Variants in MAML3 observed in about 807,000 individuals in gnomAD.
The protein encoded by MAML3 is mastermind-like protein 3.
Under a neutral mutation model 101.9 loss-of-function variants are expected in MAML3, and 27 were observed. The ratio of observed to expected loss-of-function variants is 0.27; its 90% CI spans 0.20 to 0.37. The LOEUF (loss-of-function observed/expected upper bound fraction) is 0.37, where lower values mean the gene tolerates loss of function less well. MAML3 is among the 10% of genes least tolerant of loss of function. The pLI, the probability that MAML3 is intolerant of heterozygous loss-of-function variation, is 1.00. For synonymous variants in MAML3, 501 were observed against 555.9 expected, an observed-to-expected ratio of 0.90 and a Z score of 1.39; for missense variants, 1,316 against 1,444.9, an observed-to-expected ratio of 0.91 and a Z score of 1.45.
intron 1 of MAML3, among the ~76,000 whole-genome samples, chr4:140,062,950 T>C (rs1042539043): frequency 6.6e-6 from 1 of 152,198 alleles, no homozygotes; most frequent in Non-Finnish European, 1.5e-5. Flanking sequence ...AACTGCAACA[T>C]TTATCTTAAT....
chr4:140,122,204 G>T (rs1283843478), intron 1 of MAML3, among the ~76,000 whole-genome samples: 1 of 146,570 alleles, frequency 6.8e-6, no homozygotes, highest in Non-Finnish European at 1.5e-5. Context: ...CTTCTCACAG[G>T]AATAATCAAA....
chr4:139,993,351 CA>C (rs36164698), intron 1 of MAML3, among the ~76,000 whole-genome samples: 99,542 of 127,270 alleles, frequency 0.78, 37,770 homozygotes, highest in East Asian at 0.92. Flanking sequence ...GACTCCATCT[CA>C]AAAAAAAAAA....
chr4:139,801,643 G>GGTGTGT (rs755484864), intron 2 of MAML3, among the ~76,000 whole-genome samples: 74 of 30,778 alleles, frequency 2.4e-3, no homozygotes, highest in African/African-American at 5.9e-3. Flanking sequence ...GGTGTGTGTG[G>GGTGTGT]GTGTGTGTGT....
chr4:139,930,255 T>C (rs992302924), intron 1 of MAML3, among the ~76,000 whole-genome samples: 6 of 152,294 alleles, frequency 3.9e-5, no homozygotes, highest in East Asian at 1.9e-4. Flanking sequence ...AAGAACCACA[T>C]TGAAGAAGAG....
At chr4:139,883,652 T>C (rs1267451628) in intron 2 of MAML3, among the ~76,000 whole-genome samples, 2 of 151,966 alleles carry the variant, frequency 1.3e-5, no homozygotes, top group African/African-American at 4.8e-5. Context: ...GAAATGCAAT[T>C]TATGGAGATA....
chr4:140,138,555 T>C (rs991151742), intron 1 of MAML3, among the ~76,000 whole-genome samples: 2 of 152,132 alleles, frequency 1.3e-5, no homozygotes, highest in Non-Finnish European at 2.9e-5. Flanking sequence ...TTACAACCCA[T>C]GAGGTGCTGA....
At chr4:140,043,302 A>G (rs1260136795) in intron 1 of MAML3, among the ~76,000 whole-genome samples, 3 of 152,144 alleles carry the variant, frequency 2.0e-5, no homozygotes, top group Admixed American at 6.5e-5. Flanking sequence ...CACCTCTTAG[A>G]TCCCAAACAC....
At chr4:140,087,031 G>A (rs60838065) in intron 1 of MAML3, among the ~76,000 whole-genome samples, 1,741 of 152,220 alleles carry the variant, frequency 0.011, 39 homozygotes, top group African/African-American at 0.041. Flanking sequence ...ATAGTGGTGC[G>A]TGCCTGTAAC....
At chr4:139,837,765 C>A (rs978442679) in intron 2 of MAML3, among the ~76,000 whole-genome samples, 1 of 150,958 alleles carries the variant, frequency 6.6e-6, no homozygotes, top group African/African-American at 2.4e-5. Flanking sequence ...ACTAAAAATA[C>A]AAAAATTAGC....
intron 2 of MAML3, among the ~76,000 whole-genome samples, chr4:139,860,716 C>T (rs2111164943): frequency 6.6e-6 from 1 of 152,156 alleles, no homozygotes; most frequent in African/African-American, 2.4e-5. Context: ...TTGGATAAAG[C>T]TATGTATACA....
intron 1 of MAML3, among the ~76,000 whole-genome samples, chr4:140,002,151 A>G (rs949210521): frequency 6.6e-5 from 10 of 152,114 alleles, no homozygotes; most frequent in African/African-American, 2.4e-4. Flanking sequence ...AGATCTCTTG[A>G]ACTTATTCCT....
chr4:139,812,899 T>C (rs981870614), intron 2 of MAML3, among the ~76,000 whole-genome samples: 2 of 119,280 alleles, frequency 1.7e-5, no homozygotes, highest in African/African-American at 6.4e-5. Context: ...AATAAATAAA[T>C]ACAGAGAAGA....
At position 140,153,240 on chromosome 4, in the gene MAML3, C is replaced by T. The variant is rs1222661491; in HGVS notation, c.88G>A (p.Gly30Arg). The change falls in exon 1 of 5, where the codon GGG (glycine) becomes AGG (arginine). Residue 30 changes from glycine (G) to arginine (R), a missense_variant. By Grantham distance (125) the Gly-to-Arg change is moderately radical. Transcript: ENST00000509479. ...SSLNSSLGGA[G>R]IGVNNTPNST... The stretch of plus-strand genomic sequence containing the variant: ...TTGGGAGTATTATTCACACCGATCC[C>T]GGCCCCGCCGAGGCTGCTGTTCAGG... The T allele has an allele frequency of 1.4e-5, 22 of 1,595,100 alleles. No individual in the cohort carries two copies. In the East Asian group the frequency reaches 5.0e-4, roughly 36 times the overall value.
At chr4:139,936,879 G>C (rs1229501474) in intron 1 of MAML3, among the ~76,000 whole-genome samples, 1 of 152,120 alleles carries the variant, frequency 6.6e-6, no homozygotes, top group Non-Finnish European at 1.5e-5. Context: ...AGCTTTTCAA[G>C]AACCAAGGCC....
intron 1 of MAML3, among the ~76,000 whole-genome samples, chr4:140,001,053 A>G (rs1211136591): frequency 6.6e-6 from 1 of 152,164 alleles, no homozygotes; most frequent in East Asian, 1.9e-4. Flanking sequence ...AAAGAAAAGA[A>G]AAGATTTGGC....
intron 1 of MAML3, among the ~76,000 whole-genome samples, chr4:139,968,729 C>T (rs1410620816): frequency 6.6e-6 from 1 of 152,174 alleles, no homozygotes; most frequent in African/African-American, 2.4e-5. Flanking sequence ...TGTAGTTCCA[C>T]TCCAGAAACC....
intron 1 of MAML3, among the ~76,000 whole-genome samples, chr4:140,013,529 T>A (rs1470467490): frequency 3.9e-5 from 6 of 152,276 alleles, no homozygotes; most frequent in Non-Finnish European, 8.8e-5. Context: ...CAAGAAAAAA[T>A]ATACACCTAC....
chr4:139,770,799 G>T (rs1290310010), intron 2 of MAML3, among the ~76,000 whole-genome samples: 1 of 152,194 alleles, frequency 6.6e-6, no homozygotes, highest in Non-Finnish European at 1.5e-5. Flanking sequence ...TGACATCAGA[G>T]AAAGTTTCTC....
chr4:139,747,424 T>C (rs960228180), intron 2 of MAML3, among the ~76,000 whole-genome samples: 6 of 152,234 alleles, frequency 3.9e-5, no homozygotes, highest in Non-Finnish European at 8.8e-5. Flanking sequence ...TCGGGCACAG[T>C]GGCTCACGCC....
Sources: gnomAD v4.1 joint callset for allele counts (sites outside exome capture counted in the v4.1 genomes callset) on GRCh38, gnomAD v4.1.1 for gene constraint, MANE v1.5 for transcripts, NCBI Gene and HGNC (gene_info 2026-07-23, HGNC 2026-07-21) for gene names.